Variants in DNAH9 observed in about 807,000 individuals in gnomAD.
DNAH9 encodes the protein dynein axonemal heavy chain 9.
A neutral mutation model predicts 471.6 loss-of-function variants in DNAH9; 345 were observed. The observed-to-expected ratio is 0.73, with a 90% CI of 0.67 to 0.80. The LOEUF (loss-of-function observed/expected upper bound fraction) is 0.80, where lower values mean the gene tolerates loss of function less well. Among genes scored for constraint, DNAH9 ranks in the 30% least tolerant of loss-of-function variants. DNAH9 has a pLI of 0.00. For missense variants in DNAH9, 5,407 were observed against 5,609.2 expected (o/e 0.96, Z 1.15); for synonymous variants, 2,093 against 2,123.6 (o/e 0.99, Z 0.40).
intron 62 of DNAH9, among the ~76,000 whole-genome samples, chr17:11,926,785 G>A (rs912932118): frequency 1.3e-5 from 2 of 152,130 alleles, no homozygotes; most frequent in African/African-American, 4.8e-5. Flanking sequence ...TAATAGGATT[G>A]GTGGATCAAA....
At chr17:11,866,692 T>A (rs981584795) in intron 50 of DNAH9, among the ~76,000 whole-genome samples, 4 of 152,244 alleles carry the variant, frequency 2.6e-5, no homozygotes, top group African/African-American at 7.2e-5. Flanking sequence ...GCTTTCCAGC[T>A]GCTTTGTTTA....
intron 60 of DNAH9, 37 bp downstream of exon 60, chr17:11,902,949 T>A (rs3815269): frequency 2.0e-5 from 32 of 1,596,380 alleles, no homozygotes; most frequent in Middle Eastern, 4.4e-4. Flanking sequence ...AGCATAGGCA[T>A]GGGGCAAGGG....
At chr17:11,810,443 C>A in intron 45 of DNAH9, 74 bp downstream of exon 45, 1 of 1,539,588 alleles carries the variant, frequency 6.5e-7, no homozygotes, top group South Asian at 1.3e-5. Context: ...GTGAAGATTT[C>A]GTCCAGGGTG....
At position 11,915,012 on chromosome 17, in the gene DNAH9, T is replaced by G. The variant is rs190794980; in HGVS notation, c.11750-8802T>G. ...ACCACCCACACCACATTTAGTTCTA[T>G]TGATTCCACCTCCTAAATATGCTTC... On this transcript the variant is annotated intron_variant, in intron 61 of 68. Transcript: ENST00000262442. 2.0e-4 allele frequency among the ~76,000 whole-genome samples: 30 copies of G among 152,338 alleles called. No homozygotes were observed. The East Asian group carries it at 5.8e-3, about 29-fold the overall frequency.
At chr17:11,939,210 C>G (rs1406996896) in intron 66 of DNAH9, among the ~76,000 whole-genome samples, 1 of 152,126 alleles carries the variant, frequency 6.6e-6, no homozygotes, top group Non-Finnish European at 1.5e-5. Context: ...TCTACTCAGT[C>G]TATTCCACTA....
At chr17:11,885,280 A>C (rs9303043) in intron 56 of DNAH9, among the ~76,000 whole-genome samples, 26,764 of 152,142 alleles carry the variant, frequency 0.18, 2,480 homozygotes, top group East Asian at 0.33. Context: ...ACATTGGGTG[A>C]GAGGGAGGAG....
chr17:11,737,127 T>G (rs1330723897), intron 28 of DNAH9, among the ~76,000 whole-genome samples: 2 of 152,232 alleles, frequency 1.3e-5, no homozygotes, highest in Non-Finnish European at 2.9e-5. Flanking sequence ...AGCCTGCTTC[T>G]GCCAGGATGG....
At chr17:11,896,022 A>T (rs1973206286) in intron 59 of DNAH9, among the ~76,000 whole-genome samples, 1 of 152,188 alleles carries the variant, frequency 6.6e-6, no homozygotes, top group Admixed American at 6.5e-5. Flanking sequence ...TTAGGACTGT[A>T]TCTAAATCAA....
At chr17:11,716,602 G>A (rs899477688) in intron 26 of DNAH9, among the ~76,000 whole-genome samples, 1 of 152,182 alleles carries the variant, frequency 6.6e-6, no homozygotes, top group Admixed American at 6.5e-5. Context: ...AAGCTCAGCA[G>A]ATGCTCAAAA....
intron 25 of DNAH9, among the ~76,000 whole-genome samples, 190 bp from the exon 26 acceptor site, chr17:11,704,834 TG>T (rs556658578): frequency 4.8e-4 from 73 of 152,268 alleles, no homozygotes; most frequent in Middle Eastern, 3.4e-3. Context: ...CCGCCTGCCT[TG>T]GCCTCCCAAA....
rs559696412 is a variant in DNAH9, at chr17:11,907,979, G to A, written c.11749+2170G>A. Among the ~76,000 whole-genome samples, 39 of 152,236 alleles carry A rather than the reference G, an allele frequency of 2.6e-4. No individual in the cohort carries two copies. The South Asian group carries it at 6.4e-3, about 25-fold the overall frequency. The stretch of plus-strand genomic sequence containing the variant: ...CTGATATGAAAAACAAGGATTTAGC[G>A]TGCACTGTGTTCTGTCTGTGTCGTC... On this transcript the variant is annotated intron_variant, in intron 61 of 68. Coordinates refer to ENST00000262442, the MANE Select transcript of DNAH9 (RefSeq NM_001372.4).
At chr17:11,830,297 A>G (rs1434750489) in intron 48 of DNAH9, among the ~76,000 whole-genome samples, 4 of 152,148 alleles carry the variant, frequency 2.6e-5, no homozygotes, top group Admixed American at 6.5e-5. Flanking sequence ...CAGCACCTAC[A>G]TTTAACTCAG....
intron 26 of DNAH9, among the ~76,000 whole-genome samples, chr17:11,712,035 T>A (rs865918716): frequency 5.8e-4 from 1 of 1,724 alleles, no homozygotes; most frequent in South Asian, 0.017. Flanking sequence ...TATATATATT[T>A]ATATATATTT....
intron 41 of DNAH9, among the ~76,000 whole-genome samples, chr17:11,789,314 G>A (rs758314309): frequency 6.6e-6 from 1 of 152,000 alleles, no homozygotes; most frequent in Admixed American, 6.5e-5. Flanking sequence ...ATTTACTGGT[G>A]AAACCACCTG....
intron 22 of DNAH9, among the ~76,000 whole-genome samples, 192 bp downstream of exon 22, chr17:11,694,639 T>TCGC (rs1567724557): frequency 4.5e-3 from 23 of 5,064 alleles, no homozygotes; most frequent in African/African-American, 6.5e-3. Flanking sequence ...TCTTGCTTTC[T>TCGC]TGCTTTCTCG....
Position 11,732,755 on chromosome 17 carries a change from G to A in DNAH9, c.5814+4833G>A, listed in dbSNP as rs563865080. On this transcript the variant is annotated intron_variant, in intron 28 of 68. Transcript: ENST00000262442. The stretch of plus-strand genomic sequence containing the variant: ...GCTGTCTATGCTTTGGGTTATCTGC[G>A]CCCGGGGACATGTGCCACGAGGACA... Among the ~76,000 whole-genome samples, 22 of 152,060 alleles carry A rather than the reference G, an allele frequency of 1.4e-4. 1 individual carries two copies. The South Asian group carries it at 2.9e-3, about 20-fold the overall frequency.
At chr17:11,672,123 G>T (rs185084546) in intron 17 of DNAH9, among the ~76,000 whole-genome samples, 6 of 152,086 alleles carry the variant, frequency 3.9e-5, no homozygotes, top group African/African-American at 1.4e-4. Context: ...TTAATAGGTC[G>T]GGATGAATCC....
chr17:11,802,097 A>G (rs1969482342), intron 43 of DNAH9, among the ~76,000 whole-genome samples: 1 of 152,186 alleles, frequency 6.6e-6, no homozygotes, highest in South Asian at 2.1e-4. Context: ...GTTTAAAGAC[A>G]TCAACCACCC....
intron 14 of DNAH9, among the ~76,000 whole-genome samples, chr17:11,663,007 G>A (rs1422588368): frequency 2.0e-5 from 3 of 151,348 alleles, no homozygotes; most frequent in South Asian, 2.1e-4. Context: ...CGCCCGCCTC[G>A]GCCTCCCAAA....
Sources: allele counts gnomAD v4.1 joint callset (sites outside exome capture counted in the v4.1 genomes callset), GRCh38; gene constraint gnomAD v4.1.1; transcripts MANE v1.5; gene names NCBI Gene and HGNC (gene_info 2026-07-23, HGNC 2026-07-21).